The following IL1RAPL1 variants were observed in gnomAD, a reference collection of about 807,000 sequenced individuals.
The protein encoded by IL1RAPL1 is interleukin 1 receptor accessory protein like 1, also known as interleukin-1 receptor accessory protein-like 1.
In IL1RAPL1, 3 loss-of-function variants were observed where a neutral mutation model predicts 48.4. That is an observed-to-expected ratio of 0.06 (90% confidence interval 0.03 to 0.16). The LOEUF (loss-of-function observed/expected upper bound fraction) is 0.16, where lower values mean the gene tolerates loss of function less well. Among genes scored for constraint, IL1RAPL1 ranks in the 10% least tolerant of loss-of-function variants. The pLI is 1.00. For synonymous variants in IL1RAPL1, 185 were observed against 187.7 expected, an observed-to-expected ratio of 0.99 and a Z score of 0.12; for missense variants, 349 against 530.6, an observed-to-expected ratio of 0.66 and a Z score of 3.36.
chrX:28,773,621 A>C (rs1315522674), intron 1 of IL1RAPL1, among the ~76,000 whole-genome samples: 1 of 111,487 alleles, frequency 9.0e-6, no homozygotes, highest in Non-Finnish European at 1.9e-5. Context: ...TTTAGAGTAG[A>C]TGAACTCTGC....
intron 5 of IL1RAPL1, among the ~76,000 whole-genome samples, chrX:29,608,757 C>T (rs1218500363): frequency 6.9e-5 from 7 of 102,025 alleles, no homozygotes; most frequent in Non-Finnish European, 1.4e-4. Flanking sequence ...ACCTGGGAGG[C>T]GGAGCTTGCA....
intron 2 of IL1RAPL1, among the ~76,000 whole-genome samples, chrX:29,249,669 A>C (rs914952986): frequency 3.6e-5 from 4 of 112,016 alleles, no homozygotes; most frequent in African/African-American, 1.3e-4. Flanking sequence ...AATGAAGATC[A>C]AAATATGTAT....
chrX:29,426,795 A>T (rs1344484874), intron 5 of IL1RAPL1, among the ~76,000 whole-genome samples: 3 of 111,437 alleles, frequency 2.7e-5, no homozygotes, highest in African/African-American at 9.8e-5. Flanking sequence ...TGTCATTATG[A>T]TTTTGTATGC....
chrX:29,521,242 A>G (rs903681821), intron 5 of IL1RAPL1, among the ~76,000 whole-genome samples: 9 of 112,127 alleles, frequency 8.0e-5, no homozygotes, highest in African/African-American at 2.9e-4. Flanking sequence ...TCATACCTGG[A>G]GCCTCGGTGA....
At chrX:29,439,744 T>C (rs1024648446) in intron 5 of IL1RAPL1, among the ~76,000 whole-genome samples, 5 of 110,677 alleles carry the variant, frequency 4.5e-5, no homozygotes. Context: ...TTGGATAATT[T>C]GAAGAAATGG....
At chrX:29,633,420 G>A (rs1181849726) in intron 5 of IL1RAPL1, among the ~76,000 whole-genome samples, 1 of 107,880 alleles carries the variant, frequency 9.3e-6, no homozygotes, top group Non-Finnish European at 1.9e-5. Context: ...AATCTGGTTG[G>A]TAGTTATGTG....
At chrX:29,242,295 G>A (rs1931435728) in intron 2 of IL1RAPL1, among the ~76,000 whole-genome samples, 1 of 112,405 alleles carries the variant, frequency 8.9e-6, no homozygotes, top group South Asian at 3.6e-4. Flanking sequence ...CAAGAATTCT[G>A]TGAAATAATT....
intron 3 of IL1RAPL1, among the ~76,000 whole-genome samples, chrX:29,286,440 G>GGGAGGC (rs1456672939): frequency 9.0e-5 from 10 of 111,717 alleles, no homozygotes; most frequent in African/African-American, 3.3e-4. Flanking sequence ...CCAGCACTTT[G>GGGAGGC]GGAGGCAGAG....
intron 2 of IL1RAPL1, among the ~76,000 whole-genome samples, chrX:29,238,797 AG>A (rs1443699440): frequency 2.7e-5 from 3 of 112,560 alleles, no homozygotes; most frequent in Non-Finnish European, 3.7e-5. Flanking sequence ...GATCTGTTTC[AG>A]GTACACTGTC....
chrX:29,641,003 A>T (rs1242475871), intron 5 of IL1RAPL1, among the ~76,000 whole-genome samples: 62 of 69,664 alleles, frequency 8.9e-4, no homozygotes, highest in Non-Finnish European at 1.3e-3. Flanking sequence ...CCATCTCTTA[A>T]AAAAAAAAAA....
At chrX:28,630,462 C>T (rs1187363285) in intron 1 of IL1RAPL1, among the ~76,000 whole-genome samples, 1 of 111,333 alleles carries the variant, frequency 9.0e-6, no homozygotes, top group Non-Finnish European at 1.9e-5. Flanking sequence ...TGCACAAATT[C>T]ACAAGACTCC....
At chrX:28,967,671 C>T (rs1924953389) in intron 2 of IL1RAPL1, among the ~76,000 whole-genome samples, 1 of 111,619 alleles carries the variant, frequency 9.0e-6, no homozygotes, top group African/African-American at 3.3e-5. Context: ...TCCTGAGTTG[C>T]ACATCCCAAC....
intron 10 of IL1RAPL1, 49 bp from the exon 11 acceptor site, chrX:29,955,053 A>G: frequency 9.4e-7 from 1 of 1,060,568 alleles, no homozygotes; most frequent in Non-Finnish European, 1.3e-6. Context: ...GACTTTCTGG[A>G]CCAAATTTTC....
At chrX:28,893,660 A>G (rs1339537302) in intron 2 of IL1RAPL1, among the ~76,000 whole-genome samples, 2 of 111,074 alleles carry the variant, frequency 1.8e-5, no homozygotes, top group South Asian at 3.8e-4. Context: ...AATCCCTGAG[A>G]AGTAGTAGAA....
At chrX:29,392,030 G>A (rs1933860563) in intron 3 of IL1RAPL1, among the ~76,000 whole-genome samples, 1 of 111,971 alleles carries the variant, frequency 8.9e-6, no homozygotes, top group South Asian at 3.8e-4. Flanking sequence ...CCTTGCCAGA[G>A]ACAACTAGAT....
intron 6 of IL1RAPL1, among the ~76,000 whole-genome samples, chrX:29,906,957 C>G (rs1440538399): frequency 1.8e-5 from 2 of 110,985 alleles, no homozygotes; most frequent in Non-Finnish European, 3.8e-5. Context: ...AGCCATATGA[C>G]TCTAAGCTAA....
At chrX:29,944,701 GAACT>G (rs1933186034) in intron 9 of IL1RAPL1, among the ~76,000 whole-genome samples, 1 of 111,119 alleles carries the variant, frequency 9.0e-6, no homozygotes, top group South Asian at 3.8e-4. Flanking sequence ...TGTTTCCAGG[GAACT>G]CATATGTAGC....
At chrX:29,366,047 CA>C (rs763962865) in intron 3 of IL1RAPL1, among the ~76,000 whole-genome samples, 80 of 75,586 alleles carry the variant, frequency 1.1e-3, no homozygotes, top group East Asian at 2.8e-3. Flanking sequence ...GACTGTGTCT[CA>C]AAAAAAAAAA....
At chrX:28,612,810 T>G (rs1338737621) in intron 1 of IL1RAPL1, among the ~76,000 whole-genome samples, 1 of 112,053 alleles carries the variant, frequency 8.9e-6, no homozygotes, top group Non-Finnish European at 1.9e-5. Flanking sequence ...CCTGTGAAAA[T>G]ATATACTATA....
Sources: gnomAD v4.1 joint callset for allele counts (sites outside exome capture counted in the v4.1 genomes callset) on GRCh38, gnomAD v4.1.1 for gene constraint, MANE v1.5 for transcripts, NCBI Gene and HGNC (gene_info 2026-07-23, HGNC 2026-07-21) for gene names.